The following CHST10 variants were observed in gnomAD, a reference collection of about 807,000 sequenced individuals.
The protein encoded by CHST10 is carbohydrate sulfotransferase 10.
In CHST10, 24 loss-of-function variants were observed where a neutral mutation model predicts 34.7. The ratio of observed to expected loss-of-function variants is 0.69; its 90% CI spans 0.50 to 0.97. CHST10 has a LOEUF of 0.97. CHST10 is among the 50% of genes least tolerant of loss of function. The pLI, the probability that CHST10 is intolerant of heterozygous loss-of-function variation, is 0.00. For synonymous variants in CHST10, 161 were observed against 169.3 expected, an observed-to-expected ratio of 0.95 and a Z score of 0.38; for missense variants, 402 against 452.1, an observed-to-expected ratio of 0.89 and a Z score of 1.00.
At chr2:100,400,051 TCTC>T (rs1234455738) in intron 4 of CHST10, among the ~76,000 whole-genome samples, 2 of 152,096 alleles carry the variant, frequency 1.3e-5, no homozygotes, top group Non-Finnish European at 2.9e-5. Flanking sequence ...CTCTCTGTCT[TCTC>T]CTCCCTCTCT....
At chr2:100,416,348 GC>G (rs1395076104) in intron 1 of CHST10, 1 of 152,136 alleles carries the variant, frequency 6.6e-6, no homozygotes, top group Non-Finnish European at 1.5e-5. Flanking sequence ...TTTCATTTCA[GC>G]GAAGAAGAGA....
chr2:100,398,761 AG>A (rs1246941024), intron 4 of CHST10, among the ~76,000 whole-genome samples: 1 of 152,154 alleles, frequency 6.6e-6, no homozygotes, highest in African/African-American at 2.4e-5. Context: ...TCCTCTAGCT[AG>A]GGGGAAAAAG....
chr2:100,407,856 G>C (rs537687195), intron 2 of CHST10: 3 of 152,234 alleles, frequency 2.0e-5, no homozygotes, highest in Non-Finnish European at 2.9e-5. Context: ...CCGTGTATAA[G>C]GCTTCGTGTG....
Position 100,393,100 on chromosome 2 carries a change from T to C in CHST10, c.*145A>G. The stretch of plus-strand genomic sequence containing the variant: ...GTAACAGTTGGGGTTCTGCGTCATA[T>C]GCCGAGGCAACTCACAGGCCTGTGG... On this transcript the variant is annotated 3_prime_UTR_variant, in exon 7 of 7. Coordinates refer to ENST00000264249, the MANE Select transcript of CHST10 (RefSeq NM_004854.5). The C allele has an allele frequency of 1.3e-6, 1 of 782,720 alleles. No individual in the cohort carries two copies. Among genetic ancestry groups the C allele is most frequent in the Non-Finnish European group, 2.1e-6 (1 of 486,130 alleles). 48.5% of individuals were successfully genotyped at this position (782,720 alleles called of 1,614,324 possible).
chr2:100,393,909 G>A (rs1280023332), intron 6 of CHST10, 127 bp from the exon 7 acceptor site: 11 of 683,162 alleles, frequency 1.6e-5, no homozygotes, highest in Non-Finnish European at 2.2e-5. Context: ...AGGCTGCCAT[G>A]AATGCATTCC....
rs1478062470 is a variant in CHST10 at position 100,402,664 on chromosome 2, C to T, written c.101-9G>A. The T allele has an allele frequency of 3.7e-6, 6 of 1,612,870 alleles. No homozygotes were observed. Among genetic ancestry groups the T allele is most frequent in the Middle Eastern group, 1.7e-4 (1 of 6,058 alleles). On this transcript the variant is annotated splice_polypyrimidine_tract_variant and intron_variant, in intron 3 of 6. Coordinates refer to ENST00000264249, the MANE Select transcript of CHST10 (RefSeq NM_004854.5). ...CTGTTTGGCACTGTACACTGGAAGA[C>T]AGAGAGGTTGAATGTCTTCTCTAAA...
At chr2:100,399,896 G>A (rs753540065) in intron 4 of CHST10, among the ~76,000 whole-genome samples, 6 of 152,318 alleles carry the variant, frequency 3.9e-5, no homozygotes, top group Non-Finnish European at 8.8e-5. Flanking sequence ...CCTCCCCACA[G>A]GGCATCAGCG....
intron 5 of CHST10, among the ~76,000 whole-genome samples, chr2:100,397,633 G>A (rs1169150852): frequency 6.6e-6 from 1 of 152,198 alleles, no homozygotes. Context: ...GCCTGGGGGT[G>A]GGCGAGCCAC....
At chr2:100,416,766 A>G (rs1020968938) in intron 1 of CHST10, 3 of 360,272 alleles carry the variant, frequency 8.3e-6, no homozygotes, top group African/African-American at 6.4e-5. Flanking sequence ...ACCTGGCTGC[A>G]CTACTTTCCA....
intron 4 of CHST10, among the ~76,000 whole-genome samples, chr2:100,401,481 C>G (rs1274108904): frequency 1.3e-5 from 2 of 152,172 alleles, no homozygotes; most frequent in African/African-American, 4.8e-5. Context: ...CAGGGTATGG[C>G]ATCCTTGAGG....
chr2:100,417,018 C>G (rs1676094584), intron 1 of CHST10: 1 of 1,304,360 alleles, frequency 7.7e-7, no homozygotes, highest in Non-Finnish European at 1.0e-6. Context: ...TCTTCCCTGC[C>G]TTCCTCTGCA....
At chr2:100,412,846 T>A (rs1675902678) in intron 2 of CHST10, among the ~76,000 whole-genome samples, 1 of 152,188 alleles carries the variant, frequency 6.6e-6, no homozygotes, top group Non-Finnish European at 1.5e-5. Flanking sequence ...TTCATCTTAC[T>A]CTCCTTTACA....
At chr2:100,412,633 C>A (rs1675893050) in intron 2 of CHST10, among the ~76,000 whole-genome samples, 1 of 152,114 alleles carries the variant, frequency 6.6e-6, no homozygotes, top group South Asian at 2.1e-4. Context: ...ACATGAATCC[C>A]CCTGGGGATC....
At chr2:100,410,668 T>C (rs1243404917) in intron 2 of CHST10, among the ~76,000 whole-genome samples, 2 of 152,218 alleles carry the variant, frequency 1.3e-5, no homozygotes, top group Non-Finnish European at 2.9e-5. Context: ...CTATGTTTAA[T>C]ATCCATTAAC....
At position 100,393,571 on chromosome 2, in the gene CHST10, G is replaced by T; in HGVS notation, c.745C>A (p.His249Asn). 6.2e-7 allele frequency: 1 copy of T among 1,614,132 alleles called. No individual in the cohort carries two copies. The highest frequency in any genetic ancestry group is 8.5e-7 in the Non-Finnish European group (1 of 1,180,026). Reference sequence around the variant, plus strand: ...CCAAACTGAAGGTCTAGCCATCTGTGGTTCGGATCGCCGAGGTAGCGCACG... The same window carrying T: ...CCAAACTGAAGGTCTAGCCATCTGTTGTTCGGATCGCCGAGGTAGCGCACG... ...DFVRYLGDPN[H>N]RWLDLQFGDH... The change falls in exon 7 of 7, where the codon CAC becomes AAC. Residue 249 changes from histidine (H) to asparagine (N), a missense_variant. His to Asn is a moderately conservative substitution (Grantham distance 68, BLOSUM62 1). Transcript: ENST00000264249.
chr2:100,402,444 C>T (rs1675382701), intron 4 of CHST10, 120 bp downstream of exon 4: 1 of 736,870 alleles, frequency 1.4e-6, no homozygotes, highest in South Asian at 1.6e-5. Context: ...AGAAGTAACA[C>T]AGGAAAAGGC....
Position 100,393,620 on chromosome 2 carries a change from G to T in CHST10, c.696C>A (p.Thr232=), listed in dbSNP as rs3748930. 14 of 1,613,712 alleles carry T rather than the reference G, an allele frequency of 8.7e-6. No homozygotes were observed. Among genetic ancestry groups the T allele is most frequent in the East Asian group, 6.7e-5 (3 of 44,882 alleles). Residue 232 remains threonine, a synonymous_variant, in exon 7 of 7, where the codon ACC becomes ACA. Coordinates refer to ENST00000264249, the MANE Select transcript of CHST10 (RefSeq NM_004854.5). The part of the protein sequence containing the change: ...IRKYRRNRTE[T]RGIQFEDFVR... Reference sequence around the variant, plus strand: ...CGAAATCTTCAAACTGGATCCCCCGGGTCTCTGTCCGGTTCCTCCTGTATT... The same window carrying T: ...CGAAATCTTCAAACTGGATCCCCCGTGTCTCTGTCCGGTTCCTCCTGTATT...
chr2:100,408,123 A>G (rs1675662724), intron 2 of CHST10: 1 of 143,986 alleles, frequency 6.9e-6, no homozygotes, highest in Non-Finnish European at 1.5e-5. Flanking sequence ...AATTTCAGTT[A>G]ATTTTTTTAG....
chr2:100,395,417 T>C, intron 6 of CHST10, 92 bp downstream of exon 6: 2 of 1,118,964 alleles, frequency 1.8e-6, no homozygotes, highest in South Asian at 1.4e-5. Context: ...CCGATCAATC[T>C]GCCAAGTACA....
Sources: allele counts gnomAD v4.1 joint callset (sites outside exome capture counted in the v4.1 genomes callset), GRCh38; gene constraint gnomAD v4.1.1; transcripts MANE v1.5; gene names NCBI Gene and HGNC (gene_info 2026-07-23, HGNC 2026-07-21).